Variants in CASTOR2 observed in about 807,000 individuals in gnomAD.
The protein encoded by CASTOR2 is cytosolic arginine sensor for mTORC1 subunit 2.
In CASTOR2, 8 loss-of-function variants were observed where a neutral mutation model predicts 31.2. The ratio of observed to expected loss-of-function variants is 0.26; its 90% CI spans 0.15 to 0.46. The LOEUF is 0.46. Ranked by LOEUF, CASTOR2 falls within the 20% of genes least tolerant of loss-of-function variation. The pLI, the probability that CASTOR2 is intolerant of heterozygous loss-of-function variation, is 0.99. For missense variants in CASTOR2, 216 were observed against 382.1 expected (o/e 0.57, Z 3.62); for synonymous variants, 162 against 158.7 (o/e 1.02, Z -0.16).
intron 1 of CASTOR2, among the ~76,000 whole-genome samples, chr7:74,989,578 A>ATTTTTT (rs34719360): frequency 7.6e-6 from 1 of 131,220 alleles, no homozygotes. Flanking sequence ...GTGTCCGCCT[A>ATTTTTT]TTTTTTTTTT....
At chr7:74,992,800 G>A (rs1804242629) in intron 1 of CASTOR2, among the ~76,000 whole-genome samples, 1 of 152,150 alleles carries the variant, frequency 6.6e-6, no homozygotes, top group Admixed American at 6.6e-5. Context: ...CTACTTGGGA[G>A]GCTGAGGCAG....
intron 4 of CASTOR2, 123 bp from the exon 5 acceptor site, chr7:75,018,848 CG>C: frequency 6.9e-7 from 1 of 1,453,356 alleles, no homozygotes; most frequent in Non-Finnish European, 9.4e-7. Flanking sequence ...GGAGAAGCAG[CG>C]GTGAATGAGT....
At chr7:74,995,977 C>CA (rs1168004613) in intron 1 of CASTOR2, among the ~76,000 whole-genome samples, 18 of 147,142 alleles carry the variant, frequency 1.2e-4, no homozygotes, top group African/African-American at 3.2e-4. Flanking sequence ...GACCTTATCT[C>CA]AAAAAAAAAA....
At chr7:74,974,332 G>A (rs1466928033) in intron 1 of CASTOR2, among the ~76,000 whole-genome samples, 2 of 149,638 alleles carry the variant, frequency 1.3e-5, no homozygotes, top group African/African-American at 4.9e-5. Context: ...TGTAGGCAGG[G>A]CCTGATAGGA....
chr7:75,018,106 C>T lies in CASTOR2; in HGVS notation c.495C>T (p.Phe165=), dbSNP rs1268254603. Residue 165 remains phenylalanine (F), a synonymous_variant, in exon 4 of 9, where the codon TTC becomes TTT. Coordinates refer to ENST00000616305, the MANE Select transcript of CASTOR2 (RefSeq NM_001145064.3). ...AAENLGITNG[F]VKPKLVQRPV... is the part of the protein sequence containing the mutation. ...AGAACCTCGGCATCACCAATGGCTT[C>T]GTGAAGCCCAAGCTGGGTGAGCTGG... 1.8e-5 allele frequency: 29 copies of T among 1,613,972 alleles called. No homozygotes were observed. Among genetic ancestry groups the T allele is most frequent in the East Asian group, 6.7e-5 (3 of 44,900 alleles).
intron 7 of CASTOR2, among the ~76,000 whole-genome samples, chr7:75,022,318 A>G (rs1387436688): frequency 3.3e-5 from 5 of 151,938 alleles, no homozygotes; most frequent in Non-Finnish European, 7.4e-5. Context: ...CAGCCTGGGA[A>G]ACATAGCGAG....
chr7:75,011,975 GA>G (rs1172878508), intron 2 of CASTOR2, among the ~76,000 whole-genome samples: 296 of 132,250 alleles, frequency 2.2e-3, no homozygotes, highest in African/African-American at 5.6e-3. Flanking sequence ...TTAAAAGAAA[GA>G]AAAAAAAAAA....
chr7:75,003,007 G>A (rs2131941028), intron 1 of CASTOR2, among the ~76,000 whole-genome samples: 1 of 152,286 alleles, frequency 6.6e-6, no homozygotes, highest in South Asian at 2.1e-4. Flanking sequence ...CCTGCAAGGG[G>A]GTGCTGTGCT....
At chr7:75,023,611 TG>T (rs1274883444) in intron 7 of CASTOR2, among the ~76,000 whole-genome samples, 1 of 151,818 alleles carries the variant, frequency 6.6e-6, no homozygotes, top group Admixed American at 6.6e-5. Context: ...GGCTAATTCT[TG>T]TAGTTTTAGT....
rs1554439193 is a variant in CASTOR2 at position 75,009,840 on chromosome 7, A to G, written c.184+1776A>G. On this transcript the variant is annotated intron_variant, in intron 2 of 8. Coordinates refer to ENST00000616305, the MANE Select transcript of CASTOR2 (RefSeq NM_001145064.3). The stretch of plus-strand genomic sequence containing the variant: ...CACACATGCGCTTCTCTGCCTGGAA[A>G]GCACCCCTCCCTTCATGGTTTCTAC... Among the ~76,000 whole-genome samples, 381 of 151,524 alleles carry G rather than the reference A, an allele frequency of 2.5e-3. 2 individuals carry two copies. The highest frequency in any genetic ancestry group is 8.6e-3 in the African/African-American group (356 of 41,272).
intron 5 of CASTOR2, among the ~76,000 whole-genome samples, 154 bp from the exon 6 acceptor site, chr7:75,019,885 A>G (rs1215780764): frequency 2.0e-5 from 3 of 152,170 alleles, no homozygotes; most frequent in African/African-American, 7.2e-5. Context: ...CGGTGAAATC[A>G]TCCCCGTGGC....
chr7:75,013,592 A>T (rs1466760778), intron 2 of CASTOR2, among the ~76,000 whole-genome samples: 1 of 152,114 alleles, frequency 6.6e-6, no homozygotes, highest in Admixed American at 6.6e-5. Flanking sequence ...GCAGTGAGCC[A>T]TGATTGTACC....
intron 2 of CASTOR2, among the ~76,000 whole-genome samples, chr7:75,008,590 A>G (rs1484414668): frequency 1.2e-4 from 19 of 152,034 alleles, no homozygotes; most frequent in Non-Finnish European, 2.6e-4. Flanking sequence ...CAGCTACTTG[A>G]GAGACCGAGG....
chr7:75,011,345 C>G (rs1248730306), intron 2 of CASTOR2, among the ~76,000 whole-genome samples: 1 of 151,576 alleles, frequency 6.6e-6, no homozygotes, highest in Admixed American at 6.6e-5. Context: ...AGGAGAATCA[C>G]CTGAACCCAC....
At chr7:74,994,701 G>A (rs1416449458) in intron 1 of CASTOR2, among the ~76,000 whole-genome samples, 1 of 151,734 alleles carries the variant, frequency 6.6e-6, no homozygotes, top group Non-Finnish European at 1.5e-5. Flanking sequence ...GGTGAGCCGA[G>A]ATTGTGTCGC....
chr7:75,004,979 C>T (rs1255312853), intron 1 of CASTOR2, among the ~76,000 whole-genome samples: 8 of 152,118 alleles, frequency 5.3e-5, no homozygotes, highest in Admixed American at 6.6e-5. Context: ...GAGTCTTCTG[C>T]CTCTGCCTCC....
chr7:75,002,974 G>A (rs1347386468), intron 1 of CASTOR2, among the ~76,000 whole-genome samples: 2 of 152,086 alleles, frequency 1.3e-5, no homozygotes, highest in Non-Finnish European at 2.9e-5. Context: ...TGTAATCCCG[G>A]GTACTTGGGA....
rs1434841330 is a variant in CASTOR2 at position 75,026,773 on chromosome 7, G to A, written c.*2074G>A. 1.3e-5 allele frequency among the ~76,000 whole-genome samples: 2 copies of A among 152,052 alleles called. No homozygotes were observed. The highest frequency in any genetic ancestry group is 4.8e-5 in the African/African-American group (2 of 41,416). Reference sequence around the variant, plus strand: ...GGGGCAGGGCTGTGGTGGAAGCCCTGAGTCCCCTTTCTGACCTTGCAAGGC... The same window carrying A: ...GGGGCAGGGCTGTGGTGGAAGCCCTAAGTCCCCTTTCTGACCTTGCAAGGC... On this transcript the variant is annotated 3_prime_UTR_variant, in exon 9 of 9. Transcript: ENST00000616305.
intron 7 of CASTOR2, 53 bp downstream of exon 7, chr7:75,022,009 C>G (rs1805017056): frequency 6.5e-7 from 1 of 1,545,010 alleles, no homozygotes; most frequent in Admixed American, 2.0e-5. Context: ...ATTGCTGAGC[C>G]CATTCACATA....
Sources: gnomAD v4.1 joint callset for allele counts (sites outside exome capture counted in the v4.1 genomes callset) on GRCh38, gnomAD v4.1.1 for gene constraint, MANE v1.5 for transcripts, NCBI Gene and HGNC (gene_info 2026-07-23, HGNC 2026-07-21) for gene names.